The following CCDC192 variants were observed in gnomAD, a reference collection of about 807,000 sequenced individuals.
CCDC192 encodes coiled-coil domain-containing protein 192.
intron 2 of CCDC192, among the ~76,000 whole-genome samples, chr5:127,708,431 CT>C (rs1217665070): frequency 3.9e-5 from 6 of 152,130 alleles, no homozygotes; most frequent in Non-Finnish European, 8.8e-5. Flanking sequence ...GAGGATTTTT[CT>C]TTGAAAAGAA....
chr5:127,753,525 G>A (rs1203948777), intron 2 of CCDC192, among the ~76,000 whole-genome samples: 1 of 151,940 alleles, frequency 6.6e-6, no homozygotes, highest in Non-Finnish European at 1.5e-5. Flanking sequence ...GGGAATCCAC[G>A]TCTCTACTAA....
At chr5:127,776,071 A>G (rs1755840270) in intron 3 of CCDC192, among the ~76,000 whole-genome samples, 1 of 152,236 alleles carries the variant, frequency 6.6e-6, no homozygotes, top group Admixed American at 6.5e-5. Context: ...AAGATACCCA[A>G]AAGTTTAAAA....
At chr5:127,724,267 T>C (rs564402829) in intron 2 of CCDC192, among the ~76,000 whole-genome samples, 3 of 152,210 alleles carry the variant, frequency 2.0e-5, no homozygotes, top group Non-Finnish European at 2.9e-5. Context: ...GAGAATGCTA[T>C]AAATTCTAGA....
At chr5:127,746,764 G>A (rs1447127335) in intron 2 of CCDC192, among the ~76,000 whole-genome samples, 1 of 152,104 alleles carries the variant, frequency 6.6e-6, no homozygotes, top group Non-Finnish European at 1.5e-5. Flanking sequence ...GTATGCACCT[G>A]TAGTGGCAGA....
intron 6 of CCDC192, among the ~76,000 whole-genome samples, chr5:127,893,561 A>G (rs1752789207): frequency 6.6e-6 from 1 of 152,242 alleles, no homozygotes; most frequent in Admixed American, 6.5e-5. Context: ...ACACTCTTCT[A>G]TAAACACGTA....
At chr5:127,786,503 G>T in intron 3 of CCDC192, 1 of 634,050 alleles carries the variant, frequency 1.6e-6, no homozygotes, top group South Asian at 1.8e-5. Context: ...GATCAGCTTT[G>T]AAACAGAATT....
intron 2 of CCDC192, among the ~76,000 whole-genome samples, chr5:127,724,685 C>T (rs1752212649): frequency 6.6e-6 from 1 of 151,918 alleles, no homozygotes; most frequent in African/African-American, 2.4e-5. Flanking sequence ...CCCGTCTCTG[C>T]TGAAAATACA....
intron 6 of CCDC192, among the ~76,000 whole-genome samples, chr5:127,926,484 G>A (rs1016565730): frequency 2.0e-5 from 3 of 152,178 alleles, no homozygotes; most frequent in Non-Finnish European, 4.4e-5. Flanking sequence ...ATAAGGATGT[G>A]GAGGTGAAGG....
intron 5 of CCDC192, among the ~76,000 whole-genome samples, chr5:127,809,719 G>T (rs1757975896): frequency 6.6e-6 from 1 of 152,114 alleles, no homozygotes; most frequent in Non-Finnish European, 1.5e-5. Context: ...AATCCAGCTG[G>T]CAAAGTCTAC....
At chr5:127,724,353 A>G (rs1342764280) in intron 2 of CCDC192, among the ~76,000 whole-genome samples, 1 of 152,168 alleles carries the variant, frequency 6.6e-6, no homozygotes, top group Non-Finnish European at 1.5e-5. Context: ...TGTGGTGACT[A>G]CATTCTGAAT....
intron 6 of CCDC192, among the ~76,000 whole-genome samples, chr5:127,939,531 G>A (rs530611118): frequency 8.5e-4 from 130 of 152,232 alleles, no homozygotes; most frequent in African/African-American, 2.9e-3. Flanking sequence ...ATTTCTAAGA[G>A]CAGAGAATAG....
At chr5:127,811,123 G>A (rs1758058451) in intron 5 of CCDC192, among the ~76,000 whole-genome samples, 2 of 152,200 alleles carry the variant, frequency 1.3e-5, no homozygotes, top group South Asian at 4.1e-4. Context: ...GTGTACAAGT[G>A]GAGTACGCTC....
chr5:127,869,646 C>T (rs1387495404), intron 5 of CCDC192, among the ~76,000 whole-genome samples: 1 of 152,152 alleles, frequency 6.6e-6, no homozygotes, highest in Non-Finnish European at 1.5e-5. Flanking sequence ...CATCTATTGT[C>T]AAATGCCACT....
chr5:127,887,946 AC>A (rs1752617597), intron 6 of CCDC192, among the ~76,000 whole-genome samples: 1 of 151,108 alleles, frequency 6.6e-6, no homozygotes, highest in Non-Finnish European at 1.5e-5. Flanking sequence ...CTCGTGATCC[AC>A]CCGCCTCGGC....
At chr5:127,812,739 C>T (rs948187305) in intron 5 of CCDC192, among the ~76,000 whole-genome samples, 3 of 152,200 alleles carry the variant, frequency 2.0e-5, no homozygotes, top group Non-Finnish European at 2.9e-5. Flanking sequence ...CTCACCTTCA[C>T]TTGAGTAAGA....
chr5:127,880,945 A>T (rs1304634299), intron 6 of CCDC192, among the ~76,000 whole-genome samples: 1 of 152,188 alleles, frequency 6.6e-6, no homozygotes, highest in Admixed American at 6.5e-5. Context: ...GCACCACTGC[A>T]CTCCAGCCTG....
At chr5:127,706,994 A>G (rs564625211) in intron 1 of CCDC192, among the ~76,000 whole-genome samples, 1 of 152,182 alleles carries the variant, frequency 6.6e-6, no homozygotes, top group Non-Finnish European at 1.5e-5. Flanking sequence ...AGAGAGAGTG[A>G]TAAGTCATGT....
At chr5:127,781,792 G>T (rs975348333) in intron 3 of CCDC192, among the ~76,000 whole-genome samples, 2 of 152,112 alleles carry the variant, frequency 1.3e-5, no homozygotes, top group African/African-American at 4.8e-5. Context: ...AACAGTGACA[G>T]TTTGACTCCT....
At chr5:127,915,484 C>T (rs1043114857) in intron 6 of CCDC192, among the ~76,000 whole-genome samples, 2 of 152,164 alleles carry the variant, frequency 1.3e-5, no homozygotes, top group Admixed American at 1.3e-4. Flanking sequence ...CGGGTTCAAG[C>T]AATTCTCCTG....
Sources: gnomAD v4.1 joint callset for allele counts (sites outside exome capture counted in the v4.1 genomes callset) on GRCh38, gnomAD v4.1.1 for gene constraint, MANE v1.5 for transcripts, NCBI Gene and HGNC (gene_info 2026-07-23, HGNC 2026-07-21) for gene names.